FZD3: variants seen among roughly 807,000 people sequenced by gnomAD.
FZD3 encodes the protein frizzled-3.
In FZD3, 30 loss-of-function variants were observed where a neutral mutation model predicts 60.7. The ratio of observed to expected loss-of-function variants is 0.49; its 90% CI spans 0.37 to 0.67. The LOEUF (loss-of-function observed/expected upper bound fraction) is 0.67. Among genes scored for constraint, FZD3 ranks in the 30% least tolerant of loss-of-function variants. The probability of loss-of-function intolerance (pLI) is 0.00; values close to 1 mark genes in which losing one functional copy is unlikely to be tolerated. For missense variants in FZD3, 605 were observed against 838.7 expected (o/e 0.72, Z 3.44); for synonymous variants, 246 against 275.2 (o/e 0.89, Z 1.05).
intron 5 of FZD3, among the ~76,000 whole-genome samples, chr8:28,536,475 A>G (rs1805016716): frequency 1.3e-5 from 2 of 152,320 alleles, no homozygotes; most frequent in African/African-American, 2.4e-5. Context: ...TGGGAGGCCA[A>G]GGAGGGTGGA....
chr8:28,516,482 CTT>C (rs1268514383), intron 3 of FZD3, among the ~76,000 whole-genome samples: 4 of 152,152 alleles, frequency 2.6e-5, no homozygotes, highest in Non-Finnish European at 5.9e-5. Flanking sequence ...CTGTAGGTCT[CTT>C]TTGGGAGTAT....
rs773686820 is a variant in FZD3 at position 28,567,154 on chromosome 8, A to AT, written c.*4152dup. 1.1e-4 allele frequency: 17 copies of AT among 151,506 alleles called. No homozygotes were observed. Among genetic ancestry groups the AT allele is most frequent in the South Asian group, 2.1e-4 (1 of 4,778 alleles). The allele number at this position is 151,506 out of a possible 1,614,324, so 9.4% of individuals were successfully genotyped here. A position where few individuals can be genotyped will look rare whatever the true frequency, so the allele number is the denominator to read the frequency against. ...GCACCACTACACCTGGCTAATTTTA[A>AT]TTTTTTTTTCTTTTTTTGAGACGGA... On this transcript the variant is annotated 3_prime_UTR_variant, in exon 8 of 8. Transcript: ENST00000240093.
rs190013218 is a variant in FZD3, at chr8:28,544,026, G to A, written c.1405-7577G>A. On this transcript the variant is annotated intron_variant, in intron 5 of 7. Coordinates refer to ENST00000240093, the MANE Select transcript of FZD3 (RefSeq NM_017412.4). ...ATATATTAATGTATAATCCCTCCGG[G>A]TGGGGAGGAGGCTCATAATACCCAA... Among the ~76,000 whole-genome samples the A allele has an allele frequency of 5.1e-3, 771 of 152,008 alleles. 8 individuals carry two copies. Among genetic ancestry groups the A allele is most frequent in the South Asian group, 7.5e-3 (36 of 4,814 alleles).
chr8:28,539,611 GACTCTGT>G lies in FZD3; in HGVS notation c.1404+11449_1404+11455del, dbSNP rs1383361545. Among the ~76,000 whole-genome samples, 7 of 152,328 alleles carry G rather than the reference GACTCTGT, an allele frequency of 4.6e-5. No homozygotes were observed. In the South Asian group the frequency reaches 1.2e-3, roughly 27 times the overall value. On this transcript the variant is annotated intron_variant, in intron 5 of 7. Transcript: ENST00000240093. ...GTTGTCACTTACCAGTTGTATGACA[GACTCTGT>G]ATGAACCTGATGAATAGTTCATTTT... is the stretch of plus-strand genomic sequence containing the variant.
At chr8:28,525,172 T>C (rs908405415) in intron 4 of FZD3, among the ~76,000 whole-genome samples, 4 of 152,212 alleles carry the variant, frequency 2.6e-5, no homozygotes, top group African/African-American at 7.2e-5. Flanking sequence ...GTTCAACACA[T>C]GTCAATTGAA....
intron 7 of FZD3, among the ~76,000 whole-genome samples, chr8:28,561,685 C>A (rs995975722): frequency 1.3e-5 from 2 of 151,380 alleles, no homozygotes; most frequent in South Asian, 4.2e-4. Flanking sequence ...ACTAAGTTTT[C>A]TTTGAGGTTT....
At chr8:28,537,842 C>A (rs746943874) in intron 5 of FZD3, among the ~76,000 whole-genome samples, 7 of 152,100 alleles carry the variant, frequency 4.6e-5, no homozygotes, top group Non-Finnish European at 8.8e-5. Context: ...ATAGGCCAGG[C>A]GTGGTGGCTC....
intron 5 of FZD3, among the ~76,000 whole-genome samples, chr8:28,531,948 G>A (rs930778463): frequency 3.9e-5 from 6 of 152,054 alleles, no homozygotes; most frequent in Admixed American, 2.6e-4. Context: ...ATGGCCTGCT[G>A]TATTTTTTCT....
chr8:28,536,565 G>A (rs560804468), intron 5 of FZD3, among the ~76,000 whole-genome samples: 97 of 152,138 alleles, frequency 6.4e-4, no homozygotes, highest in Non-Finnish European at 7.9e-4. Flanking sequence ...AAAATTAGCC[G>A]GGCTGTGGTG....
chr8:28,524,895 G>A (rs1438700561), intron 4 of FZD3, among the ~76,000 whole-genome samples: 2 of 152,016 alleles, frequency 1.3e-5, no homozygotes, highest in Non-Finnish European at 2.9e-5. Flanking sequence ...TTTACTTCTT[G>A]GCTCACTGTT....
rs754685050 is a variant in FZD3, at chr8:28,555,758, A to G, written c.1574A>G (p.Gln525Arg). Residue 525 changes from glutamine to arginine, a missense_variant, in exon 7 of 8, where the codon CAG becomes CGG. Gln to Arg is a conservative substitution (Grantham distance 43). Coordinates refer to ENST00000240093, the MANE Select transcript of FZD3 (RefSeq NM_017412.4). The part of the protein sequence containing the change: ...RKKEIVNESR[Q>R]VLQEPDFAQS... ...TCTAGGATAGTGAATGAGAGCCGACAGGTACTCCAGGAACCTGATTTTGCT... is the reference window on the plus strand; with the variant it reads ...TCTAGGATAGTGAATGAGAGCCGACGGGTACTCCAGGAACCTGATTTTGCT... 6.2e-7 allele frequency: 1 copy of G among 1,608,930 alleles called. No homozygotes were observed. Among genetic ancestry groups the G allele is most frequent in the Non-Finnish European group, 8.5e-7 (1 of 1,175,210 alleles).
In FZD3 at chr8:28,568,700, A is replaced by G. The variant is rs1805748341; in HGVS notation, c.*5689A>G. On this transcript the variant is annotated 3_prime_UTR_variant, in exon 8 of 8. Coordinates refer to ENST00000240093, the MANE Select transcript of FZD3 (RefSeq NM_017412.4). ...AAAGTAAAATTCTGTTGCCATAAAT[A>G]TAAAAGAAAGTTTTCACTTATATTT... 1 of 152,172 alleles carries G rather than the reference A, an allele frequency of 6.6e-6. No individual in the cohort carries two copies. The highest frequency in any genetic ancestry group is 1.5e-5 in the Non-Finnish European group (1 of 67,982). 9.4% of individuals were successfully genotyped at this position (152,172 alleles called of 1,614,324 possible).
rs1265414822 is a variant in FZD3, at chr8:28,571,068, G to T, written c.*8057G>T. The T allele has an allele frequency of 6.8e-6, 1 of 147,864 alleles. No individual in the cohort carries two copies. Among genetic ancestry groups the T allele is most frequent in the African/African-American group, 2.5e-5 (1 of 40,390 alleles). 9.2% of individuals were successfully genotyped at this position (147,864 alleles called of 1,614,324 possible). A position where few individuals can be genotyped will look rare whatever the true frequency, so the allele number is the denominator to read the frequency against. The stretch of plus-strand genomic sequence containing the variant: ...AGAAAAGGTTTGTTTTTAGTTCTCT[G>T]CCTCTGCAAGTCTTTGTGATCACAT... On this transcript the variant is annotated 3_prime_UTR_variant, in exon 8 of 8. Coordinates refer to ENST00000240093, the MANE Select transcript of FZD3 (RefSeq NM_017412.4).
intron 5 of FZD3, among the ~76,000 whole-genome samples, chr8:28,530,025 T>C (rs1804821917): frequency 6.6e-6 from 1 of 152,038 alleles, no homozygotes; most frequent in African/African-American, 2.4e-5. Context: ...TGCTGCTTTT[T>C]TCATGACATA....
chr8:28,534,306 A>G lies in FZD3; in HGVS notation c.1404+6142A>G, dbSNP rs185730403. ...ACATTAAGTAAATTCACATTGTGCA[A>G]CCATCACCTCCATCCATTTCCAGTA... On this transcript the variant is annotated intron_variant, in intron 5 of 7. Coordinates refer to ENST00000240093, the MANE Select transcript of FZD3 (RefSeq NM_017412.4). Among the ~76,000 whole-genome samples, 1,217 of 152,328 alleles carry G rather than the reference A, an allele frequency of 8.0e-3. 11 individuals are homozygous for G. Among genetic ancestry groups the G allele is most frequent in the Non-Finnish European group, 0.013 (912 of 68,032 alleles).
chr8:28,546,542 T>A (rs1316970874), intron 5 of FZD3, among the ~76,000 whole-genome samples: 2 of 152,224 alleles, frequency 1.3e-5, no homozygotes, highest in African/African-American at 4.8e-5. Context: ...ATGTTATTTC[T>A]CGAAATAGAA....
rs1804731094 is a variant in FZD3 at position 28,527,029 on chromosome 8, A to G, written c.387-118A>G. 2.4e-6 allele frequency: 2 copies of G among 841,322 alleles called. No individual in the cohort carries two copies. Among genetic ancestry groups the G allele is most frequent in the Non-Finnish European group, 3.8e-6 (2 of 530,124 alleles). 52.1% of individuals were successfully genotyped at this position (841,322 alleles called of 1,614,324 possible). On this transcript the variant is annotated intron_variant, in intron 4 of 7. Coordinates refer to ENST00000240093, the MANE Select transcript of FZD3 (RefSeq NM_017412.4). This position sits in a 1 kb window ranked among gnomAD's most constrained non-coding sequence, Gnocchi z 5.0. ...ACCATTTACTTTATTTCTACATATT[A>G]CATTTGCTCTCCAGGAATAAATAAG... is the stretch of plus-strand genomic sequence containing the variant.
intron 6 of FZD3, among the ~76,000 whole-genome samples, chr8:28,553,367 A>C (rs1805448048): frequency 6.6e-6 from 1 of 152,218 alleles, no homozygotes; most frequent in African/African-American, 2.4e-5. Context: ...GCTTTCTTAG[A>C]GTGTCCTCCC....
At chr8:28,533,604 T>C (rs1804933782) in intron 5 of FZD3, among the ~76,000 whole-genome samples, 2 of 152,016 alleles carry the variant, frequency 1.3e-5, no homozygotes, top group South Asian at 4.1e-4. Context: ...TTGTTTTGTT[T>C]TGTTTTGTTT....
Sources: gnomAD v4.1 joint callset for allele counts (sites outside exome capture counted in the v4.1 genomes callset) on GRCh38, gnomAD v4.1.1 for gene constraint, Gnocchi (gnomAD v3.1) non-coding constraint, MANE v1.5 for transcripts, NCBI Gene and HGNC (gene_info 2026-07-23, HGNC 2026-07-21) for gene names.